SLCO4C1: variants seen among roughly 807,000 people sequenced by gnomAD.
The protein encoded by SLCO4C1 is solute carrier organic anion transporter family member 4C1.
SLCO4C1 carries 58 observed loss-of-function variants against 72.1 expected under a neutral mutation model. The observed-to-expected ratio is 0.80, with a 90% CI of 0.65 to 1.00. The LOEUF (loss-of-function observed/expected upper bound fraction) is 1.00, where lower values mean the gene tolerates loss of function less well. SLCO4C1 is among the 50% of genes least tolerant of loss of function. The probability of loss-of-function intolerance (pLI) is 0.00; values close to 1 mark genes in which losing one functional copy is unlikely to be tolerated. For synonymous variants in SLCO4C1, 297 were observed against 312.5 expected (o/e 0.95, Z 0.52); for missense variants, 898 against 857.9 (o/e 1.05, Z -0.58).
At chr5:102,281,664 C>T (rs1749358295) in intron 2 of SLCO4C1, among the ~76,000 whole-genome samples, 2 of 152,064 alleles carry the variant, frequency 1.3e-5, no homozygotes, top group Non-Finnish European at 2.9e-5. Context: ...CAAATTCACA[C>T]AAGCAAAGAT....
At chr5:102,280,012 T>C (rs1749322616) in intron 2 of SLCO4C1, among the ~76,000 whole-genome samples, 2 of 138,132 alleles carry the variant, frequency 1.4e-5, no homozygotes, top group African/African-American at 2.8e-5. Flanking sequence ...TTGCCTAATA[T>C]AGGGAAGAAG....
At chr5:102,270,883 C>T in intron 2 of SLCO4C1, 77 bp from the exon 3 acceptor site, 1 of 1,108,804 alleles carries the variant, frequency 9.0e-7, no homozygotes, top group Admixed American at 2.7e-5. Context: ...ATTACACTTG[C>T]CTAATATAAT....
intron 11 of SLCO4C1, among the ~76,000 whole-genome samples, 169 bp downstream of exon 11, chr5:102,240,549 A>G (rs1748519515): frequency 6.6e-6 from 1 of 152,152 alleles, no homozygotes; most frequent in South Asian, 2.1e-4. Context: ...AAAGTATGCA[A>G]TAAGTAAATA....
intron 3 of SLCO4C1, among the ~76,000 whole-genome samples, 183 bp from the exon 4 acceptor site, chr5:102,263,963 T>C (rs975824665): frequency 7.9e-5 from 12 of 152,092 alleles, no homozygotes; most frequent in Non-Finnish European, 1.5e-4. Flanking sequence ...CTAAAACACA[T>C]AACTCAATAT....
intron 2 of SLCO4C1, among the ~76,000 whole-genome samples, chr5:102,274,099 T>C (rs192853068): frequency 1.7e-4 from 26 of 152,278 alleles, no homozygotes; most frequent in African/African-American, 6.3e-4. Context: ...ATTTAAAGTT[T>C]ATAGGAGGAT....
At chr5:102,248,621 T>A (rs1748679272) in intron 9 of SLCO4C1, among the ~76,000 whole-genome samples, 2 of 152,116 alleles carry the variant, frequency 1.3e-5, no homozygotes, top group South Asian at 4.1e-4. Context: ...CTGCTTCTAA[T>A]CAAAGTTAGT....
Position 102,239,305 on chromosome 5 carries a change from CT to C in SLCO4C1, c.1959del (p.Gly654GlufsTer15). 1 of 1,601,604 alleles carries C rather than the reference CT, an allele frequency of 6.2e-7. No individual in the cohort carries two copies. Among genetic ancestry groups the C allele is most frequent in the Non-Finnish European group, 8.5e-7 (1 of 1,174,124 alleles). ...ATGTTATCATAAATCCAGCAAGCTC[CT>C]TTAATTCCACAATCATTTATATCCC... ...ILWDINDCGI[K>X]GACWIYDNIK... is the part of the protein sequence containing the mutation. On this transcript the variant is annotated frameshift_variant, in exon 12 of 13. Coordinates refer to ENST00000310954, the MANE Select transcript of SLCO4C1 (RefSeq NM_180991.5). LOFTEE classifies it high-confidence loss of function.
intron 1 of SLCO4C1, among the ~76,000 whole-genome samples, chr5:102,293,163 A>G (rs1749586808): frequency 6.6e-6 from 1 of 152,170 alleles, no homozygotes; most frequent in Non-Finnish European, 1.5e-5. Flanking sequence ...AAGCCAATTT[A>G]CAATTCTTAG....
At chr5:102,271,637 A>G (rs73774610) in intron 2 of SLCO4C1, among the ~76,000 whole-genome samples, 18,080 of 151,858 alleles carry the variant, frequency 0.12, 1,280 homozygotes, top group African/African-American at 0.16. Flanking sequence ...TTTAAATTTC[A>G]TTTTTAAAAT....
intron 3 of SLCO4C1, among the ~76,000 whole-genome samples, chr5:102,264,970 T>TA (rs1163947121): frequency 1.3e-5 from 2 of 152,056 alleles, no homozygotes; most frequent in Non-Finnish European, 1.5e-5. Flanking sequence ...CTTTTTTTTT[T>TA]ATGGCTGAAT....
At chr5:102,286,907 T>C (rs1384843744) in intron 2 of SLCO4C1, among the ~76,000 whole-genome samples, 3 of 152,158 alleles carry the variant, frequency 2.0e-5, no homozygotes, top group African/African-American at 7.2e-5. Context: ...TCATATTTTA[T>C]GTTTTTTTCT....
chr5:102,271,551 C>A (rs1029848058), intron 2 of SLCO4C1, among the ~76,000 whole-genome samples: 1 of 151,738 alleles, frequency 6.6e-6, no homozygotes, highest in Non-Finnish European at 1.5e-5. Context: ...ATCCCACCAA[C>A]AATTCATTAA....
intron 2 of SLCO4C1, among the ~76,000 whole-genome samples, chr5:102,279,306 G>T (rs1028332771): frequency 6.6e-6 from 1 of 151,872 alleles, no homozygotes; most frequent in Admixed American, 6.6e-5. Context: ...GTATAAGGTT[G>T]GTGCAGAAGT....
At chr5:102,237,355 T>C (rs908574915) in intron 12 of SLCO4C1, among the ~76,000 whole-genome samples, 1 of 152,026 alleles carries the variant, frequency 6.6e-6, no homozygotes, top group Admixed American at 6.6e-5. Context: ...ATAATCCCAG[T>C]ACTTTGGGAA....
rs1748442250 is a variant in SLCO4C1 at position 102,236,715 on chromosome 5, T to TA, written c.*142dup. 3.1e-6 allele frequency: 3 copies of TA among 971,972 alleles called. No homozygotes were observed. The highest frequency in any genetic ancestry group is 3.2e-5 in the South Asian group (2 of 62,650). 60.2% of individuals were successfully genotyped at this position (971,972 alleles called of 1,614,324 possible). Reference sequence around the variant, plus strand: ...TTGCATAAAACAAAAACTACATAAGTAAAAAAATACATTTGATTATAAAAA... The same window carrying TA: ...TTGCATAAAACAAAAACTACATAAGTAAAAAAAATACATTTGATTATAAAAA... On this transcript the variant is annotated 3_prime_UTR_variant, in exon 13 of 13. Coordinates refer to ENST00000310954, the MANE Select transcript of SLCO4C1 (RefSeq NM_180991.5).
At chr5:102,277,924 C>T (rs776287425) in intron 2 of SLCO4C1, among the ~76,000 whole-genome samples, 1 of 151,960 alleles carries the variant, frequency 6.6e-6, no homozygotes, top group Non-Finnish European at 1.5e-5. Context: ...AACTCACATT[C>T]AGGAAAGCAA....
chr5:102,270,793 T>C lies in SLCO4C1; in HGVS notation c.633A>G (p.Thr211=), dbSNP rs201025138. 5 of 1,578,108 alleles carry C rather than the reference T, an allele frequency of 3.2e-6. No individual in the cohort carries two copies. The East Asian group carries it at 1.1e-4, about 36-fold the overall frequency. The change falls in exon 3 of 13, where the codon ACA becomes ACG. Residue 211 remains threonine, a synonymous_variant. Coordinates refer to ENST00000310954, the MANE Select transcript of SLCO4C1 (RefSeq NM_180991.5). ...ATGTACAACTGGTGCTATTCCTTGT[T>C]GTTACACAAGTGTCTTTGTGGAAAA... ...LGSLFEDTCV[T]TRNSTSCTSS... is the part of the protein sequence containing the mutation.
rs1748948851 is a variant in SLCO4C1, at chr5:102,261,811, A to C, written c.1021+101T>G. ...TAGGCAGACAGTTGAGATTCTATAAAAGAAACAGGGTGAATCTATAGTTCT... is the reference window on the plus strand; with the variant it reads ...TAGGCAGACAGTTGAGATTCTATAACAGAAACAGGGTGAATCTATAGTTCT... On this transcript the variant is annotated intron_variant, in intron 5 of 12. Transcript: ENST00000310954. 1.6e-6 allele frequency: 2 copies of C among 1,242,728 alleles called. 1 individual carries two copies. Among genetic ancestry groups the C allele is most frequent in the South Asian group, 4.2e-5 (2 of 47,924 alleles). The allele number at this position is 1,242,728 out of a possible 1,614,324, so 77.0% of individuals were successfully genotyped here. A position where few individuals can be genotyped will look rare whatever the true frequency, so the allele number is the denominator to read the frequency against.
intron 3 of SLCO4C1, 52 bp from the exon 4 acceptor site, chr5:102,263,832 G>T: frequency 7.4e-7 from 1 of 1,348,420 alleles, no homozygotes; most frequent in Non-Finnish European, 1.1e-6. Flanking sequence ...ACTTCACTTT[G>T]CATATCTAAC....
Sources: gnomAD v4.1 joint callset for allele counts (sites outside exome capture counted in the v4.1 genomes callset) on GRCh38, gnomAD v4.1.1 for gene constraint, MANE v1.5 for transcripts, NCBI Gene and HGNC (gene_info 2026-07-23, HGNC 2026-07-21) for gene names.